SHBG: variants seen among roughly 807,000 people sequenced by gnomAD.
SHBG encodes sex hormone-binding globulin.
In SHBG, 37 loss-of-function variants were observed where a neutral mutation model predicts 41.9. The ratio of observed to expected loss-of-function variants is 0.88; its 90% CI spans 0.68 to 1.16. The LOEUF is 1.16. SHBG is among the 50% of genes most tolerant of loss of function. The pLI is 0.00. For missense variants in SHBG, 466 were observed against 499.9 expected, an observed-to-expected ratio of 0.93 and a Z score of 0.65; for synonymous variants, 217 against 205.8, an observed-to-expected ratio of 1.05 and a Z score of -0.47.
chr17:7,621,020 C>T (rs1474751771), intron 1 of SHBG, among the ~76,000 whole-genome samples: 4 of 145,364 alleles, frequency 2.8e-5, no homozygotes, highest in Non-Finnish European at 5.9e-5. Flanking sequence ...CACTTGAGCC[C>T]AGGAGGTCAA....
upstream of SHBG, chr17:7,627,019 T>C (rs775095673): frequency 3.7e-6 from 6 of 1,613,836 alleles, no homozygotes; most frequent in East Asian, 4.5e-5. The surrounding 1 kb of genome is among the most constrained non-coding windows in gnomAD (Gnocchi z 4.8). Flanking sequence ...TGAAATAGTA[T>C]ATCCCATAGC....
At position 7,632,842 on chromosome 17, in the gene SHBG, G is replaced by A. The variant is rs1474554985; in HGVS notation, c.943G>A (p.Val315Met). 1.9e-6 allele frequency: 3 copies of A among 1,614,082 alleles called. No homozygotes were observed. In the African/African-American group the frequency reaches 4.0e-5, roughly 22 times the overall value. ...PLQLKLSMSR[V>M]VLSQGSKMKA... Reference sequence around the variant, plus strand: ...TCAGCTGAAGCTGAGTATGTCCAGGGTGGTCTTGAGCCAAGGGTCGAAGAT... The same window carrying A: ...TCAGCTGAAGCTGAGTATGTCCAGGATGGTCTTGAGCCAAGGGTCGAAGAT... Residue 315 changes from valine to methionine, a missense_variant, in exon 7 of 8, where the codon GTG becomes ATG. Transcript: ENST00000380450.
intron 1 of SHBG, among the ~76,000 whole-genome samples, chr17:7,617,984 C>T (rs778213910): frequency 4.6e-5 from 7 of 152,014 alleles, no homozygotes; most frequent in Non-Finnish European, 7.4e-5. Context: ...TTTGGGATGC[C>T]GAGGTGGGTG....
At chr17:7,616,663 C>T (rs1166607519) in intron 1 of SHBG, among the ~76,000 whole-genome samples, 3 of 151,316 alleles carry the variant, frequency 2.0e-5, no homozygotes, top group Middle Eastern at 3.5e-3. Flanking sequence ...AGTGGCCCGG[C>T]GCGGTGGCTC....
rs760428513 is a variant in SHBG, at chr17:7,630,162, A to G, written c.-11A>G. On this transcript the variant is annotated 5_prime_UTR_variant, in exon 1 of 8. Coordinates refer to ENST00000380450, the MANE Select transcript of SHBG (RefSeq NM_001040.5). The surrounding 1 kb of genome is among the most constrained non-coding windows in gnomAD (Gnocchi z 4.6). The stretch of plus-strand genomic sequence containing the variant: ...GAGTTGTCTGAGCCGCCGAGTGGAC[A>G]GTGGCTGATTATGGAGAGCAGAGGC... 3.1e-6 allele frequency: 5 copies of G among 1,608,206 alleles called. No individual in the cohort carries two copies. In the Middle Eastern group the frequency reaches 5.0e-4, roughly 160 times the overall value.
At chr17:7,614,091 A>G (rs1257603176) in exon 1 of SHBG, 1 of 505,232 alleles carries the variant, frequency 2.0e-6, no homozygotes, top group South Asian at 1.5e-5. Flanking sequence ...GATCGTGGGG[A>G]AGATGTGATT....
intron 1 of SHBG, chr17:7,614,386 C>A (rs180679429): frequency 7.6e-6 from 9 of 1,182,216 alleles, no homozygotes; most frequent in South Asian, 2.8e-5. Context: ...TCCCGCCCCA[C>A]GCGTTCCTGC....
At chr17:7,631,467 T>G in intron 4 of SHBG, 106 bp downstream of exon 4, 10 of 1,564,398 alleles carry the variant, frequency 6.4e-6, no homozygotes, top group Non-Finnish European at 8.8e-6. Flanking sequence ...AGGGAAGGGT[T>G]GAGAGCTGCA....
At chr17:7,620,992 A>G (rs1280249659) in intron 1 of SHBG, among the ~76,000 whole-genome samples, 3 of 146,702 alleles carry the variant, frequency 2.0e-5, no homozygotes, top group African/African-American at 7.5e-5. Context: ...GATACTTGAG[A>G]GGCTGAGGTG....
Position 7,622,241 on chromosome 17 carries a change from A to G in SHBG, c.-62+8130A>G, listed in dbSNP as rs34932054. Reference sequence around the variant, plus strand: ...ACAGAACCCAGGCCCTTTTCACCCCACTCCAATCAGCCCCAACACCTAATA... The same window carrying G: ...ACAGAACCCAGGCCCTTTTCACCCCGCTCCAATCAGCCCCAACACCTAATA... On this transcript the variant is annotated intron_variant, in intron 1 of 5. Coordinates refer to the SHBG transcript ENST00000570547. Among the ~76,000 whole-genome samples, 680 of 149,402 alleles carry G rather than the reference A, an allele frequency of 4.6e-3. 4 individuals carry two copies. The highest frequency in any genetic ancestry group is 0.016 in the African/African-American group (640 of 40,574).
chr17:7,622,671 A>C (rs544055460), intron 1 of SHBG, among the ~76,000 whole-genome samples: 1 of 152,222 alleles, frequency 6.6e-6, no homozygotes, highest in African/African-American at 2.4e-5. Context: ...GTGATACTGG[A>C]GTGCAAAGAT....
chr17:7,615,635 A>G (rs1164223892), intron 1 of SHBG, among the ~76,000 whole-genome samples: 1 of 136,170 alleles, frequency 7.3e-6, no homozygotes, highest in Admixed American at 7.3e-5. Flanking sequence ...CGTGGCCAAA[A>G]TGGTGAAACC....
At chr17:7,624,779 G>A (rs144989856), upstream of SHBG, among the ~76,000 whole-genome samples, 659 of 151,826 alleles carry the variant, frequency 4.3e-3, 1 homozygote, top group Non-Finnish European at 7.4e-3. Context: ...AGCCTCCCCA[G>A]TAGCTGGGCC....
chr17:7,625,822 C>T (rs1389564375), upstream of SHBG, among the ~76,000 whole-genome samples: 8 of 150,126 alleles, frequency 5.3e-5, no homozygotes, highest in South Asian at 2.1e-4. Context: ...ACCCGGGAGG[C>T]GGATGTTGCA....
chr17:7,615,135 T>A (rs1657290624), intron 1 of SHBG, among the ~76,000 whole-genome samples: 1 of 151,200 alleles, frequency 6.6e-6, no homozygotes, highest in South Asian at 2.1e-4. Context: ...CCCACAACAC[T>A]GAGAACCAAC....
upstream of SHBG, chr17:7,626,449 A>G: frequency 3.7e-6 from 6 of 1,613,920 alleles, no homozygotes; most frequent in African/African-American, 1.3e-5. Context: ...GGATGGCGTC[A>G]CTTTCCTGCC....
upstream of SHBG, chr17:7,627,810 A>G (rs2072268753): frequency 2.7e-6 from 2 of 728,848 alleles, no homozygotes; most frequent in Non-Finnish European, 4.9e-6. This position sits in a 1 kb window ranked among gnomAD's most constrained non-coding sequence, Gnocchi z 4.8. Context: ...CCGGCGCCGT[A>G]CGGGAGGAGA....
At chr17:7,633,018 C>T (rs1026158737) in intron 7 of SHBG, 59 bp downstream of exon 7, 23 of 1,521,650 alleles carry the variant, frequency 1.5e-5, no homozygotes, top group African/African-American at 4.1e-5. Flanking sequence ...TCAAGGGAGG[C>T]GGCACATTTT....
intron 3 of SHBG, 54 bp from the exon 4 acceptor site, chr17:7,631,145 AG>A: frequency 6.8e-7 from 1 of 1,470,516 alleles, no homozygotes; most frequent in Non-Finnish European, 9.1e-7. Context: ...CCTCACAGGA[AG>A]GTGGCAGAAA....
Sources: allele counts gnomAD v4.1 joint callset (sites outside exome capture counted in the v4.1 genomes callset), GRCh38; gene constraint gnomAD v4.1.1; non-coding constraint Gnocchi (gnomAD v3.1); transcripts MANE v1.5; gene names NCBI Gene and HGNC (gene_info 2026-07-23, HGNC 2026-07-21).